The following AFF3 variants were observed in gnomAD, a reference collection of about 807,000 sequenced individuals.
AFF3 encodes AF4/FMR2 family member 3.
A neutral mutation model predicts 129.7 loss-of-function variants in AFF3; 32 were observed. That is an observed-to-expected ratio of 0.25 (90% CI 0.19 to 0.33). The LOEUF is 0.33. Among genes scored for constraint, AFF3 ranks in the 10% least tolerant of loss-of-function variants. The pLI is 1.00. For synonymous variants in AFF3, 644 were observed against 635.4 expected, an observed-to-expected ratio of 1.01 and a Z score of -0.20; for missense variants, 1,373 against 1,592.0, an observed-to-expected ratio of 0.86 and a Z score of 2.34.
intron 7 of AFF3, among the ~76,000 whole-genome samples, chr2:99,930,572 T>C (rs1388388033): frequency 2.0e-5 from 3 of 152,196 alleles, no homozygotes; most frequent in Non-Finnish European, 1.5e-5. Context: ...TCTCTCCCTC[T>C]TTCTCTTTCT....
At chr2:99,650,746 T>C (rs1030030963) in intron 12 of AFF3, among the ~76,000 whole-genome samples, 1 of 152,066 alleles carries the variant, frequency 6.6e-6, no homozygotes, top group Non-Finnish European at 1.5e-5. Flanking sequence ...TTTCATTTTG[T>C]ATTGAAAATG....
intron 1 of AFF3, among the ~76,000 whole-genome samples, chr2:100,136,161 G>T (rs1441287715): frequency 6.6e-6 from 1 of 152,222 alleles, no homozygotes; most frequent in African/African-American, 2.4e-5. Flanking sequence ...TGTTGTGCGA[G>T]AGCTGGGTCT....
In AFF3 at chr2:99,547,495, C is replaced by CT. The variant is rs34122848; in HGVS notation, c.*3978dup. The CT allele has an allele frequency of 0.013, 2,374 of 183,212 alleles. 8 individuals are homozygous for CT. Among genetic ancestry groups the CT allele is most frequent in the East Asian group, 0.039 (445 of 11,308 alleles). The allele number at this position is 183,212 out of a possible 1,614,324, so 11.3% of individuals were successfully genotyped here. On this transcript the variant is annotated 3_prime_UTR_variant, in exon 25 of 25. Coordinates refer to ENST00000672756, the MANE Select transcript of AFF3 (RefSeq NM_001386135.1). ...TGTCTACATTGTTAAAAAAATCTTG[C>CT]TTTTTTTTTTTTTTGGTGATGCAGA...
At chr2:100,053,641 T>C (rs1686532260) in intron 4 of AFF3, among the ~76,000 whole-genome samples, 1 of 152,202 alleles carries the variant, frequency 6.6e-6, no homozygotes, top group East Asian at 1.9e-4. Flanking sequence ...TGTCTTCGTC[T>C]TTCCGGCTGA....
chr2:99,562,996 ACC>A (rs1675611158), intron 20 of AFF3, among the ~76,000 whole-genome samples: 1 of 149,070 alleles, frequency 6.7e-6, no homozygotes, highest in South Asian at 2.1e-4. Flanking sequence ...TGCTCCACTG[ACC>A]CACGCCTGCT....
intron 24 of AFF3, among the ~76,000 whole-genome samples, chr2:99,552,034 C>T (rs1455603576): frequency 6.6e-6 from 1 of 152,196 alleles, no homozygotes; most frequent in Non-Finnish European, 1.5e-5. Context: ...CACGAGACAT[C>T]TGGACTGAAG....
At chr2:100,005,282 T>G (rs1172696897) in intron 7 of AFF3, among the ~76,000 whole-genome samples, 2 of 152,178 alleles carry the variant, frequency 1.3e-5, no homozygotes, top group African/African-American at 4.8e-5. Context: ...CTCACTGAAT[T>G]CCAAAATAAA....
intron 11 of AFF3, among the ~76,000 whole-genome samples, chr2:99,688,023 T>C (rs1558748230): frequency 6.6e-6 from 1 of 152,142 alleles, no homozygotes; most frequent in African/African-American, 2.4e-5. Context: ...TTTGTATTTT[T>C]AGTAGAGACA....
At chr2:99,808,042 TGG>T (rs80102889) in intron 8 of AFF3, among the ~76,000 whole-genome samples, 18,885 of 152,194 alleles carry the variant, frequency 0.12, 1,395 homozygotes, top group Non-Finnish European at 0.17. Context: ...CCCTCGCCAA[TGG>T]GGTGAAGGGG....
At chr2:99,668,476 T>C (rs1282195750) in intron 12 of AFF3, among the ~76,000 whole-genome samples, 1 of 149,672 alleles carries the variant, frequency 6.7e-6, no homozygotes. Flanking sequence ...CGCCGGGAAA[T>C]AGAATTTTTA....
chr2:100,013,240 A>G (rs1682703457), intron 4 of AFF3, among the ~76,000 whole-genome samples: 1 of 152,184 alleles, frequency 6.6e-6, no homozygotes, highest in African/African-American at 2.4e-5. Flanking sequence ...TAAACATGAA[A>G]CTGTCATCAT....
At chr2:100,050,174 G>A (rs1453236343) in intron 4 of AFF3, among the ~76,000 whole-genome samples, 1 of 151,734 alleles carries the variant, frequency 6.6e-6, no homozygotes, top group African/African-American at 2.4e-5. Context: ...CTCCAGCCTG[G>A]GTGACAGAGC....
chr2:99,898,525 G>C (rs1394943060), intron 7 of AFF3, among the ~76,000 whole-genome samples: 3 of 152,228 alleles, frequency 2.0e-5, no homozygotes, highest in African/African-American at 4.8e-5. Flanking sequence ...CTCAGGAAGA[G>C]TGCTTCTGTG....
intron 7 of AFF3, among the ~76,000 whole-genome samples, chr2:99,876,181 T>C (rs1262173935): frequency 6.6e-6 from 1 of 152,182 alleles, no homozygotes; most frequent in African/African-American, 2.4e-5. Context: ...CCCGGTGGCT[T>C]TGAAGACCAT....
chr2:99,558,101 A>G (rs890975125), intron 22 of AFF3, among the ~76,000 whole-genome samples: 4 of 152,210 alleles, frequency 2.6e-5, no homozygotes, highest in Non-Finnish European at 4.4e-5. Flanking sequence ...ACACACTGCT[A>G]TCTACTGCTT....
chr2:99,749,039 CAT>C (rs1681406932), intron 9 of AFF3, among the ~76,000 whole-genome samples: 1 of 152,172 alleles, frequency 6.6e-6, no homozygotes, highest in Admixed American at 6.5e-5. Context: ...TGTGTGTACA[CAT>C]ATGTGTGTGT....
chr2:100,104,278 C>T (rs1319241210), intron 4 of AFF3, 124 bp downstream of exon 4: 1 of 145,398 alleles, frequency 6.9e-6, no homozygotes, highest in South Asian at 2.2e-4. Context: ...CAGGCGCCCC[C>T]GACCCACCCC....
intron 4 of AFF3, among the ~76,000 whole-genome samples, chr2:100,069,733 C>T (rs893725077): frequency 6.6e-6 from 1 of 152,094 alleles, no homozygotes; most frequent in Non-Finnish European, 1.5e-5. Flanking sequence ...TAATCAAATG[C>T]CTTATCTATG....
At chr2:99,643,388 G>A (rs1269028984) in intron 13 of AFF3, among the ~76,000 whole-genome samples, 1 of 152,112 alleles carries the variant, frequency 6.6e-6, no homozygotes, top group Non-Finnish European at 1.5e-5. Context: ...GAGCCATATT[G>A]CTTTGGGGAG....
Sources: gnomAD v4.1 joint callset for allele counts (sites outside exome capture counted in the v4.1 genomes callset) on GRCh38, gnomAD v4.1.1 for gene constraint, MANE v1.5 for transcripts, NCBI Gene and HGNC (gene_info 2026-07-23, HGNC 2026-07-21) for gene names.